DIPK2A: variants seen among roughly 807,000 people sequenced by gnomAD.
DIPK2A encodes divergent protein kinase domain 2A, also known as Golgi Protein of 49 kDa.
A neutral mutation model predicts 39.0 loss-of-function variants in DIPK2A; 27 were observed. That is an observed-to-expected ratio of 0.69 (90% CI 0.51 to 0.96). The LOEUF is 0.96. Among genes scored for constraint, DIPK2A ranks in the 40% least tolerant of loss-of-function variants. The pLI is 0.00. For missense variants in DIPK2A, 528 were observed against 571.3 expected (o/e 0.92, Z 0.77); for synonymous variants, 298 against 240.8 (o/e 1.24, Z -2.20).
intron 2 of DIPK2A, among the ~76,000 whole-genome samples, chr3:143,988,043 A>G (rs2087930217): frequency 6.6e-6 from 1 of 152,126 alleles, no homozygotes; most frequent in South Asian, 2.1e-4. Flanking sequence ...AGTAAAATCC[A>G]AACACCTTAA....
At position 143,989,868 on chromosome 3, in the gene DIPK2A, C is replaced by T. The variant is rs1216241755; in HGVS notation, c.*27C>T. On this transcript the variant is annotated 3_prime_UTR_variant, in exon 3 of 3. Coordinates refer to ENST00000315691, the MANE Select transcript of DIPK2A (RefSeq NM_173552.5). ...CTATGGTGAACTTTTCTTTTTTTCT[C>T]CATTTAAACAGCACTGGCTAAAACT... 6.4e-7 allele frequency: 1 copy of T among 1,557,528 alleles called. No individual in the cohort carries two copies. Among genetic ancestry groups the T allele is most frequent in the Non-Finnish European group, 8.8e-7 (1 of 1,136,164 alleles).
Position 143,973,359 on chromosome 3 carries a change from C to T in DIPK2A, c.657+370C>T, listed in dbSNP as rs386470599. ...TGCCGGGGCTTGCAGGTCCGCGGCG[C>T]AGACTGTTCACGAGCCCTTGGACCT... is the stretch of plus-strand genomic sequence containing the variant. On this transcript the variant is annotated intron_variant, in intron 1 of 2. Coordinates refer to ENST00000315691, the MANE Select transcript of DIPK2A (RefSeq NM_173552.5). The T allele has an allele frequency of 5.2e-5, 81 of 1,545,638 alleles. 1 individual carries two copies. In the African/African-American group the frequency reaches 8.9e-4, roughly 17 times the overall value.
intron 1 of DIPK2A, among the ~76,000 whole-genome samples, chr3:143,976,248 A>G (rs904186600): frequency 6.6e-6 from 1 of 152,048 alleles, no homozygotes; most frequent in African/African-American, 2.4e-5. Flanking sequence ...AACATCAAGC[A>G]ACAAGATAAT....
At chr3:143,974,787 G>C (rs1435078275) in intron 1 of DIPK2A, among the ~76,000 whole-genome samples, 1 of 152,086 alleles carries the variant, frequency 6.6e-6, no homozygotes, top group African/African-American at 2.4e-5. Context: ...TATGTGGCCA[G>C]TTCTTTTTAA....
chr3:143,975,347 G>C (rs1017365232), intron 1 of DIPK2A, among the ~76,000 whole-genome samples: 1 of 152,086 alleles, frequency 6.6e-6, no homozygotes, highest in Non-Finnish European at 1.5e-5. Flanking sequence ...AGAGGAAGAA[G>C]ATATTTTTAA....
chr3:143,984,171 A>C (rs2087866030), intron 1 of DIPK2A, among the ~76,000 whole-genome samples: 4 of 152,204 alleles, frequency 2.6e-5, no homozygotes, highest in Non-Finnish European at 5.9e-5. Flanking sequence ...GACTGATTTG[A>C]TCTTTTATCC....
chr3:143,988,501 G>T (rs2087937300), intron 2 of DIPK2A, among the ~76,000 whole-genome samples: 1 of 151,896 alleles, frequency 6.6e-6, no homozygotes, highest in South Asian at 2.1e-4. Context: ...TGAATGAATC[G>T]GCCCACTTCT....
intron 1 of DIPK2A, among the ~76,000 whole-genome samples, chr3:143,979,422 T>G (rs2087797201): frequency 1.3e-5 from 2 of 152,302 alleles, no homozygotes; most frequent in South Asian, 4.1e-4. Context: ...AAAAACAGGT[T>G]AAGTCTAGAC....
chr3:143,988,333 T>C (rs1469871), intron 2 of DIPK2A, among the ~76,000 whole-genome samples: 85,455 of 151,970 alleles, frequency 0.56, 26,512 homozygotes, highest in African/African-American at 0.84. Flanking sequence ...CTTGTGGGCT[T>C]AAGCAGTCCT....
intron 1 of DIPK2A, among the ~76,000 whole-genome samples, chr3:143,974,336 T>C (rs531835198): frequency 7.9e-5 from 12 of 152,288 alleles, no homozygotes; most frequent in Non-Finnish European, 1.0e-4. Context: ...AGGCTATGTG[T>C]ATTGGGTTAA....
intron 1 of DIPK2A, among the ~76,000 whole-genome samples, chr3:143,977,325 ATTGTTGTTG>A (rs367900260): frequency 1.3e-5 from 2 of 151,720 alleles, no homozygotes; most frequent in Non-Finnish European, 1.5e-5. Context: ...TTTGGTTTTT[ATTGTTGTTG>A]TTGTTGTTGT....
intron 2 of DIPK2A, among the ~76,000 whole-genome samples, chr3:143,988,966 A>G (rs1017101100): frequency 7.9e-5 from 12 of 152,090 alleles, no homozygotes; most frequent in Non-Finnish European, 1.5e-4. Context: ...GTTACGACCT[A>G]TTTTTCTAGC....
At chr3:143,981,873 G>A (rs1350262915) in intron 1 of DIPK2A, among the ~76,000 whole-genome samples, 1 of 152,108 alleles carries the variant, frequency 6.6e-6, no homozygotes, top group Non-Finnish European at 1.5e-5. Context: ...TAGGTAAATC[G>A]TTTAACACTG....
chr3:143,972,176 C>T lies in DIPK2A; in HGVS notation c.-157C>T, dbSNP rs1030567479. 12 of 556,312 alleles carry T rather than the reference C, an allele frequency of 2.2e-5. No homozygotes were observed. The highest frequency in any genetic ancestry group is 1.8e-4 in the African/African-American group (9 of 50,800). The allele number at this position is 556,312 out of a possible 1,614,324, so 34.5% of individuals were successfully genotyped here. A position where few individuals can be genotyped will look rare whatever the true frequency, so the allele number is the denominator to read the frequency against. On this transcript the variant is annotated 5_prime_UTR_variant, in exon 1 of 3. Transcript: ENST00000315691. ...CTCAGGCCCGCGCCTTCCCGCTCCC[C>T]GTCTTCCTCTCTCACACACCTACTC...
intron 1 of DIPK2A, among the ~76,000 whole-genome samples, chr3:143,980,973 CTA>C (rs1361736357): frequency 1.3e-5 from 2 of 152,112 alleles, no homozygotes; most frequent in Non-Finnish European, 2.9e-5. Context: ...TAAGTAGACT[CTA>C]TTTTAATCTA....
chr3:143,989,857 T>A lies in DIPK2A; in HGVS notation c.*16T>A. On this transcript the variant is annotated 3_prime_UTR_variant, in exon 3 of 3. Transcript: ENST00000315691. ...CGTGAGGTAGTCTATGGTGAACTTTTCTTTTTTTCTCCATTTAAACAGCAC... is the reference window on the plus strand; with the variant it reads ...CGTGAGGTAGTCTATGGTGAACTTTACTTTTTTTCTCCATTTAAACAGCAC... The A allele has an allele frequency of 6.3e-7, 1 of 1,585,968 alleles. No homozygotes were observed. Among genetic ancestry groups the A allele is most frequent in the Non-Finnish European group, 8.6e-7 (1 of 1,159,744 alleles).
At chr3:143,978,551 C>G (rs1464042558) in intron 1 of DIPK2A, 1 of 150,268 alleles carries the variant, frequency 6.7e-6, no homozygotes, top group Non-Finnish European at 1.5e-5. Context: ...AATTATTATA[C>G]AATCCATTTA....
Position 143,972,902 on chromosome 3 carries a change from C to G in DIPK2A, c.570C>G (p.Gly190=). 1 of 1,583,728 alleles carries G rather than the reference C, an allele frequency of 6.3e-7. No homozygotes were observed. Among genetic ancestry groups the G allele is most frequent in the Non-Finnish European group, 8.6e-7 (1 of 1,167,074 alleles). The change falls in exon 1 of 3, where the codon GGC becomes GGG. Residue 190 remains glycine (G), a synonymous_variant. Transcript: ENST00000315691. ...GCTACGCGGAGACCAAGGACTCGGGCAGCTTCCTGCTTCGCAACCTCAAGG... is the reference window on the plus strand; with the variant it reads ...GCTACGCGGAGACCAAGGACTCGGGGAGCTTCCTGCTTCGCAACCTCAAGG... ...VRRYAETKDS[G]SFLLRNLKDS... is the part of the protein sequence containing the mutation.
chr3:143,984,287 T>C (rs1441574592), intron 1 of DIPK2A, among the ~76,000 whole-genome samples: 1 of 152,224 alleles, frequency 6.6e-6, no homozygotes, highest in Non-Finnish European at 1.5e-5. Flanking sequence ...AATATTTCCC[T>C]TGCATTCACA....
Sources: gnomAD v4.1 joint callset for allele counts (sites outside exome capture counted in the v4.1 genomes callset) on GRCh38, gnomAD v4.1.1 for gene constraint, MANE v1.5 for transcripts, NCBI Gene and HGNC (gene_info 2026-07-23, HGNC 2026-07-21) for gene names.